SDK1: variants seen among roughly 807,000 people sequenced by gnomAD.
The protein encoded by SDK1 is protein sidekick-1.
SDK1 carries 157 observed loss-of-function variants against 245.5 expected under a neutral mutation model. That is an observed-to-expected ratio of 0.64 (90% CI 0.56 to 0.73). SDK1 has a LOEUF of 0.73. SDK1 is among the 30% of genes least tolerant of loss of function. The pLI is 0.00. For missense variants in SDK1, 3,583 were observed against 3,002.3 expected (o/e 1.19, Z -4.52); for synonymous variants, 1,647 against 1,278.5 (o/e 1.29, Z -6.15).
chr7:3,758,668 G>A (rs534888104), intron 4 of SDK1, among the ~76,000 whole-genome samples: 1 of 152,096 alleles, frequency 6.6e-6, no homozygotes, highest in Non-Finnish European at 1.5e-5. Context: ...CTCCAGCCTT[G>A]TTCTGTGTGT....
chr7:4,050,566 A>G (rs1789377174), intron 18 of SDK1, among the ~76,000 whole-genome samples: 1 of 152,236 alleles, frequency 6.6e-6, no homozygotes, highest in African/African-American at 2.4e-5. Context: ...TGCCAAAGGA[A>G]TTAAAAGTCA....
chr7:4,100,198 A>T (rs1233086658), intron 22 of SDK1, among the ~76,000 whole-genome samples: 1 of 152,090 alleles, frequency 6.6e-6, no homozygotes, highest in East Asian at 1.9e-4. Flanking sequence ...CTTGAGAGGG[A>T]TCAGATCTGA....
chr7:3,851,968 A>G (rs947556400), intron 5 of SDK1, among the ~76,000 whole-genome samples: 2 of 152,238 alleles, frequency 1.3e-5, no homozygotes, highest in Non-Finnish European at 1.5e-5. Flanking sequence ...GTTTTACACT[A>G]TTTAATGCCG....
intron 5 of SDK1, among the ~76,000 whole-genome samples, chr7:3,838,628 A>G (rs1780081571): frequency 6.6e-6 from 1 of 152,084 alleles, no homozygotes; most frequent in Admixed American, 6.5e-5. Context: ...GGTTCCACAT[A>G]AACACTGATG....
intron 5 of SDK1, among the ~76,000 whole-genome samples, chr7:3,839,772 T>G (rs1257023393): frequency 1.3e-5 from 2 of 152,266 alleles, no homozygotes; most frequent in African/African-American, 4.8e-5. Flanking sequence ...GATGGTTTGA[T>G]TAATTGTGAA....
At position 4,025,016 on chromosome 7, in the gene SDK1, T is replaced by TCACA. The variant is rs10602730; in HGVS notation, c.2602+7695_2602+7698dup. Among the ~76,000 whole-genome samples the TCACA allele has an allele frequency of 5.3e-3, 780 of 148,450 alleles. 5 individuals carry two copies. The highest frequency in any genetic ancestry group is 0.011 in the Middle Eastern group (3 of 282). On this transcript the variant is annotated intron_variant, in intron 17 of 44. Coordinates refer to ENST00000404826, the MANE Select transcript of SDK1 (RefSeq NM_152744.4). The stretch of plus-strand genomic sequence containing the variant: ...GCACAATGAGAACTCTATTTTGCAT[T>TCACA]CACACACACACACACACACACACAC...
Position 3,511,942 on chromosome 7 carries a change from C to T in SDK1, c.299-107138C>T, listed in dbSNP as rs910642076. On this transcript the variant is annotated intron_variant, in intron 1 of 44. Coordinates refer to ENST00000404826, the MANE Select transcript of SDK1 (RefSeq NM_152744.4). ...CCCCCACCGGAGTGGTATGTTGCAA[C>T]CATTGATGAGCCTGTATTGACACCA... Among the ~76,000 whole-genome samples, 7 of 150,080 alleles carry T rather than the reference C, an allele frequency of 4.7e-5. No individual in the cohort carries two copies. The East Asian group carries it at 1.2e-3, about 25-fold the overall frequency.
At chr7:3,638,186 C>G (rs926555498) in intron 2 of SDK1, among the ~76,000 whole-genome samples, 2 of 152,184 alleles carry the variant, frequency 1.3e-5, no homozygotes, top group Non-Finnish European at 2.9e-5. Context: ...TAGATCCTAG[C>G]TTTGGGTGAT....
At chr7:4,086,948 C>T (rs958021261) in intron 22 of SDK1, among the ~76,000 whole-genome samples, 9 of 152,010 alleles carry the variant, frequency 5.9e-5, no homozygotes, top group African/African-American at 1.9e-4. Context: ...ATGTAAACTT[C>T]CCAGACATTG....
At position 3,383,618 on chromosome 7, in the gene SDK1, G is replaced by C. The variant is rs868126456; in HGVS notation, c.298+81734G>C. ...TAAACTGGATGGTCTTGATATTTTC[G>C]TGTAACTTTTAGTTCAGGTACAAGA... On this transcript the variant is annotated intron_variant, in intron 1 of 44. Coordinates refer to ENST00000404826, the MANE Select transcript of SDK1 (RefSeq NM_152744.4). Among the ~76,000 whole-genome samples, 86 of 152,200 alleles carry C rather than the reference G, an allele frequency of 5.7e-4. 2 individuals carry two copies. The highest frequency in any genetic ancestry group is 6.8e-3 in the Middle Eastern group (2 of 294).
chr7:3,448,889 T>C (rs17133370), intron 1 of SDK1, among the ~76,000 whole-genome samples: 28,211 of 152,130 alleles, frequency 0.19, 2,688 homozygotes, highest in African/African-American at 0.23. Context: ...CTGTTACTCT[T>C]TATTGTTTCT....
intron 1 of SDK1, among the ~76,000 whole-genome samples, chr7:3,383,022 T>G (rs1781528391): frequency 6.6e-6 from 1 of 152,206 alleles, no homozygotes; most frequent in Non-Finnish European, 1.5e-5. Context: ...GTGATATTAC[T>G]AGCAAATCAC....
chr7:3,395,507 A>T (rs1781874157), intron 1 of SDK1, among the ~76,000 whole-genome samples: 1 of 151,768 alleles, frequency 6.6e-6, no homozygotes, highest in South Asian at 2.1e-4. Flanking sequence ...CTAGAATGAG[A>T]TGTGAGTAAT....
At chr7:3,465,636 A>G (rs1167289242) in intron 1 of SDK1, among the ~76,000 whole-genome samples, 1 of 152,130 alleles carries the variant, frequency 6.6e-6, no homozygotes, top group Non-Finnish European at 1.5e-5. Context: ...CTGATTCACC[A>G]CTTTACTGAG....
At chr7:3,680,321 G>A (rs1428311994) in intron 4 of SDK1, among the ~76,000 whole-genome samples, 1 of 152,182 alleles carries the variant, frequency 6.6e-6, no homozygotes, top group East Asian at 1.9e-4. Flanking sequence ...GGAGGTGAGG[G>A]GAGACGGCTG....
intron 25 of SDK1, among the ~76,000 whole-genome samples, chr7:4,117,600 C>G (rs1292118714): frequency 6.6e-6 from 1 of 152,168 alleles, no homozygotes; most frequent in Non-Finnish European, 1.5e-5. Flanking sequence ...CGCAGCTGCC[C>G]TGGGTGGGAT....
At chr7:3,444,230 T>C (rs1335743201) in intron 1 of SDK1, among the ~76,000 whole-genome samples, 3 of 152,154 alleles carry the variant, frequency 2.0e-5, no homozygotes, top group African/African-American at 7.2e-5. Flanking sequence ...TTGGGTGGTC[T>C]CCCTGGCAGT....
intron 35 of SDK1, among the ~76,000 whole-genome samples, 196 bp from the exon 36 acceptor site, chr7:4,205,682 TA>T (rs1784175100): frequency 6.6e-6 from 1 of 152,216 alleles, no homozygotes; most frequent in South Asian, 2.1e-4. Context: ...TGAGAGCTCT[TA>T]GGGGGACACA....
intron 4 of SDK1, among the ~76,000 whole-genome samples, chr7:3,706,932 T>A (rs1784908637): frequency 6.6e-6 from 1 of 152,232 alleles, no homozygotes; most frequent in African/African-American, 2.4e-5. Flanking sequence ...CTAATTGAGT[T>A]TATTTGAATC....
Sources: allele counts gnomAD v4.1 joint callset (sites outside exome capture counted in the v4.1 genomes callset), GRCh38; gene constraint gnomAD v4.1.1; transcripts MANE v1.5; gene names NCBI Gene and HGNC (gene_info 2026-07-23, HGNC 2026-07-21).